The following HS6ST1 variants were observed in gnomAD, a reference collection of about 807,000 sequenced individuals.
HS6ST1 encodes the protein heparan-sulfate 6-O-sulfotransferase 1.
HS6ST1 carries 3 observed loss-of-function variants against 25.2 expected under a neutral mutation model. The observed-to-expected ratio is 0.12, with a 90% confidence interval of 0.05 to 0.31. The LOEUF is 0.31. HS6ST1 is among the 10% of genes least tolerant of loss of function. The probability of loss-of-function intolerance (pLI) is 1.00; values close to 1 mark genes in which losing one functional copy is unlikely to be tolerated. For missense variants in HS6ST1, 310 were observed against 609.6 expected, an observed-to-expected ratio of 0.51 and a Z score of 5.18; for synonymous variants, 204 against 275.1, an observed-to-expected ratio of 0.74 and a Z score of 2.56.
In HS6ST1 at chr2:128,267,889, C is replaced by T. The variant is rs1693546071; in HGVS notation, c.*273G>A. On this transcript the variant is annotated 3_prime_UTR_variant, in exon 2 of 2. Transcript: ENST00000259241. ...ATCCAAGGAGGCCAGGAGAGCAGCT[C>T]CAGGCACAACACCTGCTCTGGAGGC... 3.4e-6 allele frequency: 2 copies of T among 581,400 alleles called. No homozygotes were observed. The highest frequency in any genetic ancestry group is 5.7e-5 in the East Asian group (2 of 35,386). The allele number at this position is 581,400 out of a possible 1,614,324, so 36.0% of individuals were successfully genotyped here.
intron 1 of HS6ST1, among the ~76,000 whole-genome samples, chr2:128,297,155 T>C (rs1694051177): frequency 6.6e-6 from 1 of 152,160 alleles, no homozygotes; most frequent in African/African-American, 2.4e-5. Flanking sequence ...AAAGCTATGG[T>C]AGTCAAATCA....
At chr2:128,273,073 G>A (rs1464927431) in intron 1 of HS6ST1, among the ~76,000 whole-genome samples, 2 of 152,156 alleles carry the variant, frequency 1.3e-5, no homozygotes, top group African/African-American at 2.4e-5. Context: ...AAGGCCTCCC[G>A]CTGCAGGGAC....
At chr2:128,306,307 G>C (rs570997326) in intron 1 of HS6ST1, among the ~76,000 whole-genome samples, 2 of 152,152 alleles carry the variant, frequency 1.3e-5, no homozygotes, top group Non-Finnish European at 2.9e-5. Flanking sequence ...TGGCCGCGCC[G>C]CTGCGAAGAT....
intron 1 of HS6ST1, among the ~76,000 whole-genome samples, chr2:128,288,170 G>A (rs1364677374): frequency 6.6e-6 from 1 of 152,182 alleles, no homozygotes; most frequent in South Asian, 2.1e-4. Flanking sequence ...TCTGCTTCTA[G>A]GCCTTTTGCT....
intron 1 of HS6ST1, among the ~76,000 whole-genome samples, chr2:128,309,874 T>C (rs1694262506): frequency 2.0e-5 from 3 of 152,318 alleles, no homozygotes; most frequent in South Asian, 4.1e-4. Context: ...TGCAGAATGC[T>C]AAGGGGTTAT....
chr2:128,297,344 C>A (rs1202844434), intron 1 of HS6ST1, among the ~76,000 whole-genome samples: 1 of 152,052 alleles, frequency 6.6e-6, no homozygotes, highest in African/African-American at 2.4e-5. Flanking sequence ...GGAAATTGGA[C>A]CCTTATCTAA....
chr2:128,269,581 G>A (rs568849807), intron 1 of HS6ST1, among the ~76,000 whole-genome samples: 18 of 152,370 alleles, frequency 1.2e-4, no homozygotes, highest in Admixed American at 5.9e-4. Context: ...GGCTGGAGGC[G>A]TCAGGACACT....
chr2:128,305,895 G>T (rs1247761388), intron 1 of HS6ST1, among the ~76,000 whole-genome samples: 2 of 152,190 alleles, frequency 1.3e-5, no homozygotes, highest in African/African-American at 4.8e-5. Context: ...GAGCAGCTGC[G>T]TTACCCTCCC....
At chr2:128,296,564 C>T (rs188987183) in intron 1 of HS6ST1, among the ~76,000 whole-genome samples, 11 of 152,308 alleles carry the variant, frequency 7.2e-5, no homozygotes, top group African/African-American at 2.2e-4. Context: ...TATTTCTATT[C>T]ACTAGCAACA....
At chr2:128,297,168 G>A (rs191376288) in intron 1 of HS6ST1, among the ~76,000 whole-genome samples, 1 of 152,302 alleles carries the variant, frequency 6.6e-6, no homozygotes, top group African/African-American at 2.4e-5. Context: ...TCAAATCAGT[G>A]TGGTACTGTC....
At chr2:128,292,301 C>A (rs1046066070) in intron 1 of HS6ST1, among the ~76,000 whole-genome samples, 1 of 152,212 alleles carries the variant, frequency 6.6e-6, no homozygotes, top group Non-Finnish European at 1.5e-5. Flanking sequence ...CCTGGCAGGA[C>A]CCTGGCTTGG....
chr2:128,301,495 A>G (rs559466920), intron 1 of HS6ST1, among the ~76,000 whole-genome samples: 1 of 152,288 alleles, frequency 6.6e-6, no homozygotes, highest in Admixed American at 6.5e-5. Context: ...CAGAATGGAA[A>G]ATTGCTCAGC....
chr2:128,282,809 C>T (rs1252460534), intron 1 of HS6ST1, among the ~76,000 whole-genome samples: 1 of 152,208 alleles, frequency 6.6e-6, no homozygotes, highest in African/African-American at 2.4e-5. Context: ...AGCAGAGGGC[C>T]CAGCCTGGAA....
At chr2:128,301,641 T>C (rs840887) in intron 1 of HS6ST1, among the ~76,000 whole-genome samples, 87,073 of 152,104 alleles carry the variant, frequency 0.57, 25,797 homozygotes, top group East Asian at 0.79. Flanking sequence ...GAGCTACTGC[T>C]GGGGATGTGT....
Position 128,267,879 on chromosome 2 carries a change from G to A in HS6ST1, c.*283C>T, listed in dbSNP as rs1230166536. 3 of 571,700 alleles carry A rather than the reference G, an allele frequency of 5.2e-6. No individual in the cohort carries two copies. Among genetic ancestry groups the A allele is most frequent in the African/African-American group, 3.7e-5 (2 of 53,432 alleles). 35.4% of individuals were successfully genotyped at this position (571,700 alleles called of 1,614,324 possible). A position where few individuals can be genotyped will look rare whatever the true frequency, so the allele number is the denominator to read the frequency against. On this transcript the variant is annotated 3_prime_UTR_variant, in exon 2 of 2. Transcript: ENST00000259241. The stretch of plus-strand genomic sequence containing the variant: ...TTTGCGATAAATCCAAGGAGGCCAG[G>A]AGAGCAGCTCCAGGCACAACACCTG...
chr2:128,284,786 C>A (rs1693837105), intron 1 of HS6ST1, among the ~76,000 whole-genome samples: 1 of 152,196 alleles, frequency 6.6e-6, no homozygotes, highest in Admixed American at 6.5e-5. Flanking sequence ...CTGTGCCCAG[C>A]CCCATCGTCC....
At chr2:128,297,588 G>T (rs1694058484) in intron 1 of HS6ST1, among the ~76,000 whole-genome samples, 1 of 152,214 alleles carries the variant, frequency 6.6e-6, no homozygotes, top group South Asian at 2.1e-4. Context: ...AGCACTTTGG[G>T]AGGCCGAGGT....
At chr2:128,300,148 A>G (rs1176850631) in intron 1 of HS6ST1, among the ~76,000 whole-genome samples, 1 of 151,870 alleles carries the variant, frequency 6.6e-6, no homozygotes, top group East Asian at 1.9e-4. Context: ...TTCCAAGCAC[A>G]CTCCAAGCTC....
At chr2:128,293,912 T>C (rs1693996010) in intron 1 of HS6ST1, among the ~76,000 whole-genome samples, 1 of 152,210 alleles carries the variant, frequency 6.6e-6, no homozygotes, top group African/African-American at 2.4e-5. Context: ...AGGCAGAAGC[T>C]GACCCAGTCC....
Sources: gnomAD v4.1 joint callset for allele counts (sites outside exome capture counted in the v4.1 genomes callset) on GRCh38, gnomAD v4.1.1 for gene constraint, MANE v1.5 for transcripts, NCBI Gene and HGNC (gene_info 2026-07-23, HGNC 2026-07-21) for gene names.